Variants in SLIT1 observed in about 807,000 individuals in gnomAD.
SLIT1 encodes the protein slit homolog 1 protein.
SLIT1 carries 66 observed loss-of-function variants against 186.1 expected under a neutral mutation model. The observed-to-expected ratio is 0.35, with a 90% CI of 0.29 to 0.44. The LOEUF (loss-of-function observed/expected upper bound fraction) is 0.44. SLIT1 is among the 20% of genes least tolerant of loss of function. The pLI, the probability that SLIT1 is intolerant of heterozygous loss-of-function variation, is 1.00. For synonymous variants in SLIT1, 761 were observed against 833.8 expected (o/e 0.91, Z 1.50); for missense variants, 1,638 against 2,037.4 (o/e 0.80, Z 3.77).
At chr10:97,118,930 C>T (rs1186008004) in intron 4 of SLIT1, among the ~76,000 whole-genome samples, 1 of 152,224 alleles carries the variant, frequency 6.6e-6, no homozygotes, top group Non-Finnish European at 1.5e-5. Flanking sequence ...CACACATGCA[C>T]AACATATGGC....
intron 4 of SLIT1, among the ~76,000 whole-genome samples, chr10:97,066,434 G>A (rs1589380626): frequency 2.0e-5 from 3 of 152,162 alleles, no homozygotes; most frequent in African/African-American, 7.2e-5. Flanking sequence ...ATTTGGCCCC[G>A]CCCAAATCTC....
chr10:97,065,003 G>T, intron 5 of SLIT1, 127 bp from the exon 6 acceptor site: 1 of 560,346 alleles, frequency 1.8e-6, no homozygotes, highest in Non-Finnish European at 3.1e-6. Flanking sequence ...ATGTGTATAT[G>T]TGTCAATCCA....
intron 4 of SLIT1, among the ~76,000 whole-genome samples, chr10:97,137,590 T>G (rs974673641): frequency 5.9e-5 from 9 of 152,110 alleles, no homozygotes; most frequent in African/African-American, 1.9e-4. Flanking sequence ...CCTTCTTTCC[T>G]TCTTTCTTTC....
rs1475574477 is a variant in SLIT1 at position 97,002,714 on chromosome 10, G to A, written c.4144C>T (p.His1382Tyr). ...GTGCCCCAGGCTCACTTGTGGCCATGGCAGGGGCCGTCAGCGGGCTGGTCA... is the reference window on the plus strand; with the variant it reads ...GTGCCCCAGGCTCACTTGTGGCCATAGCAGGGGCCGTCAGCGGGCTGGTCA... ...HCDQPADGPC[H>Y]GHKCVHGQCV... Residue 1382 changes from histidine (H) to tyrosine (Y), a missense_variant, in exon 35 of 37, where the codon CAT (histidine) becomes TAT (tyrosine). By Grantham distance (83) the His-to-Tyr change is moderately conservative (BLOSUM62 2). Coordinates refer to ENST00000266058, the MANE Select transcript of SLIT1 (RefSeq NM_003061.3). 1 of 1,576,584 alleles carries A rather than the reference G, an allele frequency of 6.3e-7. No individual in the cohort carries two copies. The highest frequency in any genetic ancestry group is 1.3e-5 in the African/African-American group (1 of 74,554).
chr10:97,170,024 G>A (rs1850167062), intron 1 of SLIT1, among the ~76,000 whole-genome samples: 1 of 152,226 alleles, frequency 6.6e-6, no homozygotes, highest in African/African-American at 2.4e-5. Flanking sequence ...GCCATGCCTT[G>A]GACATGAAGA....
chr10:97,032,520 A>C (rs1848600302), intron 23 of SLIT1, among the ~76,000 whole-genome samples: 1 of 151,814 alleles, frequency 6.6e-6, no homozygotes, highest in East Asian at 1.9e-4. Context: ...AGTGAGCCAA[A>C]ATCGCGCCAC....
At chr10:97,037,603 C>T (rs75066754) in intron 22 of SLIT1, 95 bp downstream of exon 22, 41,690 of 965,672 alleles carry the variant, frequency 0.043, 1,482 homozygotes, top group African/African-American at 0.15. Flanking sequence ...CAGGATCTGC[C>T]CAGAAGTGAG....
At chr10:97,107,940 A>G (rs1373039614) in intron 4 of SLIT1, among the ~76,000 whole-genome samples, 1 of 152,220 alleles carries the variant, frequency 6.6e-6, no homozygotes, top group East Asian at 1.9e-4. Context: ...GGGCAGGACC[A>G]GCAGTGCTGC....
chr10:97,144,878 A>C (rs1382907658), intron 4 of SLIT1, among the ~76,000 whole-genome samples: 2 of 152,228 alleles, frequency 1.3e-5, no homozygotes, highest in East Asian at 3.9e-4. Flanking sequence ...GCTCCATACA[A>C]TCACCCCCAA....
chr10:97,148,213 A>T (rs1307974019), intron 4 of SLIT1, among the ~76,000 whole-genome samples: 1 of 152,248 alleles, frequency 6.6e-6, no homozygotes, highest in South Asian at 2.1e-4. Flanking sequence ...GAAAATGCAC[A>T]TAAAGTTTTT....
At chr10:97,132,456 C>T (rs1377400212) in intron 4 of SLIT1, among the ~76,000 whole-genome samples, 2 of 152,230 alleles carry the variant, frequency 1.3e-5, no homozygotes, top group Non-Finnish European at 2.9e-5. Context: ...GAACTGCCCC[C>T]ATGCAACAGG....
chr10:97,147,635 G>A (rs57945497), intron 4 of SLIT1, among the ~76,000 whole-genome samples: 6 of 151,786 alleles, frequency 4.0e-5, no homozygotes, highest in African/African-American at 7.3e-5. Flanking sequence ...GAGCTGGGAG[G>A]GGGGGGAAGG....
chr10:97,106,407 C>CAAACGAAT, intron 4 of SLIT1, among the ~76,000 whole-genome samples: 1 of 74,142 alleles, frequency 1.3e-5, no homozygotes, highest in African/African-American at 3.4e-5. Context: ...AATGAATGAA[C>CAAACGAAT]GAATGAATGA....
intron 4 of SLIT1, among the ~76,000 whole-genome samples, chr10:97,141,240 A>G (rs1161805853): frequency 6.6e-6 from 1 of 152,192 alleles, no homozygotes; most frequent in African/African-American, 2.4e-5. Flanking sequence ...GTGTCTAGGA[A>G]GCCTGCCTCG....
At position 97,034,548 on chromosome 10, in the gene SLIT1, A is replaced by G. The variant is rs200507991; in HGVS notation, c.2367-6T>C. On this transcript the variant is annotated splice_region_variant and splice_polypyrimidine_tract_variant and intron_variant, in intron 22 of 36. Transcript: ENST00000266058. ...TCTTGTTGTTGCTCAGGTCCCTGGA[A>G]AAGGCAAAGGCATCATGATTTAGAA... The G allele has an allele frequency of 1.2e-6, 2 of 1,611,762 alleles. No individual in the cohort carries two copies. The highest frequency in any genetic ancestry group is 2.2e-5 in the East Asian group (1 of 44,828).
intron 8 of SLIT1, 62 bp downstream of exon 8, chr10:97,063,393 G>A: frequency 6.3e-7 from 1 of 1,578,082 alleles, no homozygotes; most frequent in Non-Finnish European, 8.7e-7. Flanking sequence ...ATTAGGGGCG[G>A]GAACAAGAGG....
intron 3 of SLIT1, among the ~76,000 whole-genome samples, 159 bp from the exon 4 acceptor site, chr10:97,158,048 G>T (rs1043250906): frequency 1.3e-5 from 2 of 152,228 alleles, no homozygotes; most frequent in Non-Finnish European, 2.9e-5. Context: ...CTGGGCCTCA[G>T]TTCTTCATCT....
chr10:97,185,461 G>A lies in SLIT1; in HGVS notation c.197+17C>T, dbSNP rs745763487. The A allele has an allele frequency of 6.2e-7, 1 of 1,608,148 alleles. No homozygotes were observed. Among genetic ancestry groups the A allele is most frequent in the Non-Finnish European group, 8.5e-7 (1 of 1,177,778 alleles). On this transcript the variant is annotated intron_variant, in intron 1 of 36. Transcript: ENST00000266058. ...CAACCTCGGAGCCAGGGAGCCAGGG[G>A]CGGGGACCATACTCACAGGCGCTCG...
chr10:97,178,017 G>A (rs1273598400), intron 1 of SLIT1, among the ~76,000 whole-genome samples: 2 of 152,118 alleles, frequency 1.3e-5, no homozygotes, highest in African/African-American at 2.4e-5. Flanking sequence ...ACAGATGAGG[G>A]AGAAGGGAAA....
Sources: gnomAD v4.1 joint callset for allele counts (sites outside exome capture counted in the v4.1 genomes callset) on GRCh38, gnomAD v4.1.1 for gene constraint, MANE v1.5 for transcripts, NCBI Gene and HGNC (gene_info 2026-07-23, HGNC 2026-07-21) for gene names.